Variants in HERC4 observed in about 807,000 individuals in gnomAD.
HERC4 encodes the protein probable E3 ubiquitin-protein ligase HERC4.
HERC4 carries 28 observed loss-of-function variants against 124.3 expected under a neutral mutation model. The ratio of observed to expected loss-of-function variants is 0.23; its 90% CI spans 0.17 to 0.31. HERC4 has a LOEUF of 0.31. Among genes scored for constraint, HERC4 ranks in the 10% least tolerant of loss-of-function variants. The pLI is 1.00. For missense variants in HERC4, 713 were observed against 1,229.3 expected, an observed-to-expected ratio of 0.58 and a Z score of 6.28; for synonymous variants, 407 against 421.5, an observed-to-expected ratio of 0.97 and a Z score of 0.42.
At chr10:67,972,377 C>T (rs371233896) in intron 15 of HERC4, among the ~76,000 whole-genome samples, 14 of 150,050 alleles carry the variant, frequency 9.3e-5, no homozygotes, top group African/African-American at 3.2e-4. Flanking sequence ...CAAAATTAGC[C>T]GGGCATGGTG....
At chr10:67,927,428 A>ATT (rs2031228886) in intron 23 of HERC4, among the ~76,000 whole-genome samples, 20 of 25,624 alleles carry the variant, frequency 7.8e-4, no homozygotes, top group South Asian at 1.7e-3. Context: ...ATATATATAT[A>ATT]TATTTTTTTT....
At chr10:67,975,881 T>C (rs2035556062) in intron 15 of HERC4, among the ~76,000 whole-genome samples, 1 of 152,218 alleles carries the variant, frequency 6.6e-6, no homozygotes, top group Non-Finnish European at 1.5e-5. Context: ...TGGGAGAAAC[T>C]GACCAGAGTT....
At chr10:68,045,984 G>C (rs1052029931) in intron 3 of HERC4, among the ~76,000 whole-genome samples, 1 of 152,016 alleles carries the variant, frequency 6.6e-6, no homozygotes, top group Non-Finnish European at 1.5e-5. Context: ...CAACTCTAAT[G>C]ATGTATTAAG....
At chr10:68,006,667 C>A (rs903095081) in intron 9 of HERC4, among the ~76,000 whole-genome samples, 3 of 152,104 alleles carry the variant, frequency 2.0e-5, no homozygotes, top group African/African-American at 7.2e-5. Flanking sequence ...CATGAGCCAC[C>A]ACGCCCGGCC....
In HERC4 at chr10:67,991,463, T is replaced by A. The variant is rs619973; in HGVS notation, c.1272-264A>T. Among the ~76,000 whole-genome samples the A allele has an allele frequency of 0.97, 147,262 of 152,226 alleles. 71,418 individuals are homozygous for A. Among genetic ancestry groups the A allele is most frequent in the East Asian group, 1 (5,190 of 5,190 alleles). On this transcript the variant is annotated intron_variant, in intron 11 of 24. Coordinates refer to ENST00000373700, the MANE Select transcript of HERC4 (RefSeq NM_015601.4). ...CAATGTTATCTGCTTTAAAACATGG[T>A]ATTTTAAAAATTAAGTGTGTATGTT...
At chr10:68,058,266 T>C (rs907896564) in intron 3 of HERC4, among the ~76,000 whole-genome samples, 4 of 152,170 alleles carry the variant, frequency 2.6e-5, no homozygotes, top group African/African-American at 9.7e-5. Context: ...GTAAGGTTAA[T>C]TGAAGACTAA....
At chr10:68,041,051 G>A (rs1471674962) in intron 4 of HERC4, among the ~76,000 whole-genome samples, 1 of 152,072 alleles carries the variant, frequency 6.6e-6, no homozygotes, top group Non-Finnish European at 1.5e-5. Context: ...GTATACTGTT[G>A]TATTCTTCTG....
chr10:68,058,774 C>T (rs1304289537), intron 3 of HERC4, among the ~76,000 whole-genome samples: 1 of 150,570 alleles, frequency 6.6e-6, no homozygotes, highest in Non-Finnish European at 1.5e-5. Flanking sequence ...AAAGGTTAAG[C>T]AATGTGACCA....
chr10:68,054,668 G>C (rs73263298), intron 3 of HERC4, among the ~76,000 whole-genome samples: 11,394 of 151,986 alleles, frequency 0.075, 1,103 homozygotes, highest in African/African-American at 0.22. Flanking sequence ...ACTTTTTAAA[G>C]ATAAAGATAT....
intron 21 of HERC4, 103 bp downstream of exon 21, chr10:67,939,485 C>A: frequency 2.8e-6 from 2 of 727,144 alleles, no homozygotes; most frequent in South Asian, 4.1e-5. Flanking sequence ...CTAAAGGGTT[C>A]TTTAAGAATT....
chr10:68,043,753 T>C (rs1269738805), intron 4 of HERC4, among the ~76,000 whole-genome samples: 3 of 150,732 alleles, frequency 2.0e-5, no homozygotes, highest in Admixed American at 6.6e-5. Context: ...GAGGTGGAGG[T>C]TGCAGTGAGC....
In HERC4 at chr10:67,955,016, C is replaced by T; in HGVS notation, c.2140G>A (p.Ala714Thr). The T allele has an allele frequency of 6.2e-7, 1 of 1,600,648 alleles. No individual in the cohort carries two copies. The highest frequency in any genetic ancestry group is 2.3e-5 in the East Asian group (1 of 43,638). Residue 714 changes from alanine (A) to threonine (T), a missense_variant, in exon 18 of 25, where the codon GCA (alanine) becomes ACA (threonine). By Grantham distance (58) the Ala-to-Thr change is moderately conservative. Transcript: ENST00000373700. ...VVRRENIVGD[A>T]MEVLRKTKNI... ...TTTGTTTTCCTAAGGACTTCCATTG[C>T]ATCTCCTACAATATTTTCTCTACGC...
chr10:68,069,578 C>T, intron 3 of HERC4: 1 of 985,374 alleles, frequency 1.0e-6, no homozygotes. Flanking sequence ...CAGGCCAAGT[C>T]CTCCAGTAGG....
intron 7 of HERC4, among the ~76,000 whole-genome samples, chr10:68,028,891 T>G (rs2039041563): frequency 6.6e-6 from 1 of 152,126 alleles, no homozygotes; most frequent in Non-Finnish European, 1.5e-5. Flanking sequence ...CTTCTAGCAG[T>G]AAGACTACAG....
At chr10:67,953,123 A>C (rs920692081) in intron 19 of HERC4, among the ~76,000 whole-genome samples, 1 of 152,160 alleles carries the variant, frequency 6.6e-6, no homozygotes, top group African/African-American at 2.4e-5. Flanking sequence ...AGAGGGGGAA[A>C]ACAAGGTGGA....
chr10:68,047,075 A>G (rs1360786731), intron 3 of HERC4, among the ~76,000 whole-genome samples: 1 of 152,222 alleles, frequency 6.6e-6, no homozygotes, highest in Admixed American at 6.5e-5. Context: ...ATTTGAGGAA[A>G]TTTGAATTAC....
Position 67,955,351 on chromosome 10 carries a change from A to G in HERC4, c.2026-221T>C, listed in dbSNP as rs41274098. On this transcript the variant is annotated intron_variant, in intron 17 of 24. Transcript: ENST00000373700. ...TATACTAATGTATAATGTATAACTC[A>G]TAACACCATTAGAGTAAGCCAGTAC... 3,237 of 438,730 alleles carry G rather than the reference A, an allele frequency of 7.4e-3. 23 individuals are homozygous for G. The highest frequency in any genetic ancestry group is 9.9e-3 in the Non-Finnish European group (2,488 of 251,820). 27.2% of individuals were successfully genotyped at this position (438,730 alleles called of 1,614,324 possible). A position where few individuals can be genotyped will look rare whatever the true frequency, so the allele number is the denominator to read the frequency against.
At chr10:68,032,965 G>A in intron 6 of HERC4, 96 bp from the exon 7 acceptor site, 2 of 678,104 alleles carry the variant, frequency 2.9e-6, no homozygotes, top group Non-Finnish European at 5.4e-6. Flanking sequence ...GTAGATAGTT[G>A]TGACTAAATA....
chr10:68,072,715 A>C (rs2133884530), intron 3 of HERC4, among the ~76,000 whole-genome samples, 168 bp downstream of exon 3: 1 of 152,288 alleles, frequency 6.6e-6, no homozygotes, highest in African/African-American at 2.4e-5. Context: ...CACAACATAA[A>C]GTACTTAGAA....
Sources: gnomAD v4.1 joint callset for allele counts (sites outside exome capture counted in the v4.1 genomes callset) on GRCh38, gnomAD v4.1.1 for gene constraint, MANE v1.5 for transcripts, NCBI Gene and HGNC (gene_info 2026-07-23, HGNC 2026-07-21) for gene names.